The following ZNF616 variants were observed in gnomAD, a reference collection of about 807,000 sequenced individuals.
The protein encoded by ZNF616 is zinc finger protein 616.
A neutral mutation model predicts 7.6 loss-of-function variants in ZNF616; 5 were observed. That is an observed-to-expected ratio of 0.66 (90% CI 0.34 to 1.38). ZNF616 has a LOEUF of 1.38. Among genes scored for constraint, ZNF616 ranks in the 40% most tolerant of loss-of-function variants. The pLI is 0.04. For missense variants in ZNF616, 913 were observed against 948.3 expected (o/e 0.96, Z 0.49); for synonymous variants, 319 against 317.2 (o/e 1.01, Z -0.06).
rs2088817309 is a variant in ZNF616 at position 52,115,943 on chromosome 19, T to G, written c.1221A>C (p.Lys407Asn). The G allele has an allele frequency of 1.2e-6, 2 of 1,614,050 alleles. No individual in the cohort carries two copies. Among genetic ancestry groups the G allele is most frequent in the East Asian group, 4.5e-5 (2 of 44,886 alleles). Reference sequence around the variant, plus strand: ...TGCCACATTCATTGCATTTGCAAGGTTTCTCTACAGTGTGAATTCGTCGAT... The same window carrying G: ...TGCCACATTCATTGCATTTGCAAGGGTTCTCTACAGTGTGAATTCGTCGAT... ...AVHRRIHTVEKPCKCNECGKV... is the reference protein window; with the variant it reads ...AVHRRIHTVENPCKCNECGKV... Residue 407 changes from lysine (K) to asparagine (N), a missense_variant, in exon 4 of 4, where the codon AAA becomes AAC. By Grantham distance (94) the Lys-to-Asn change is moderately conservative. Transcript: ENST00000600228.
At chr19:52,128,465 G>C (rs1056457771) in intron 2 of ZNF616, among the ~76,000 whole-genome samples, 1 of 152,106 alleles carries the variant, frequency 6.6e-6, no homozygotes, top group Non-Finnish European at 1.5e-5. Flanking sequence ...AACTAAAGCT[G>C]GGCACGGTGG....
intron 3 of ZNF616, among the ~76,000 whole-genome samples, chr19:52,119,728 G>A (rs763100918): frequency 2.0e-5 from 3 of 152,118 alleles, no homozygotes; most frequent in South Asian, 2.1e-4. Context: ...ATTTAAATAC[G>A]TGAATTATAC....
At chr19:52,117,127 A>C (rs2088833152) in intron 3 of ZNF616, 103 bp from the exon 4 acceptor site, 1 of 1,004,344 alleles carries the variant, frequency 1.0e-6, no homozygotes, top group African/African-American at 1.7e-5. Context: ...TCTTTATACT[A>C]GACAGGTGTG....
Position 52,115,323 on chromosome 19 carries a change from A to C in ZNF616, c.1841T>G (p.Phe614Cys). The change falls in exon 4 of 4, where the codon TTT (phenylalanine) becomes TGT (cysteine). Residue 614 changes from phenylalanine to cysteine, a missense_variant. Phe to Cys is a radical substitution (Grantham distance 205). Coordinates refer to ENST00000600228, the MANE Select transcript of ZNF616 (RefSeq NM_178523.5). ...TCTATTGAGTGTGGAGCCCTGATTA[A>C]AGGCTTTGCCACATTCATGACATTT... ...PYKCHECGKA[F>C]NQGSTLNRHQ... is the part of the protein sequence containing the mutation. 6.2e-7 allele frequency: 1 copy of C among 1,614,100 alleles called. No individual in the cohort carries two copies. Among genetic ancestry groups the C allele is most frequent in the South Asian group, 1.1e-5 (1 of 91,084 alleles).
At chr19:52,134,385 ATG>A (rs2088989974) in intron 1 of ZNF616, among the ~76,000 whole-genome samples, 1 of 152,220 alleles carries the variant, frequency 6.6e-6, no homozygotes, top group Admixed American at 6.5e-5. Context: ...AAACTGGTAA[ATG>A]TGTTTCTCTA....
At chr19:52,128,474 G>A (rs2088928827) in intron 2 of ZNF616, among the ~76,000 whole-genome samples, 1 of 152,136 alleles carries the variant, frequency 6.6e-6, no homozygotes, top group African/African-American at 2.4e-5. Context: ...TGGGCACGGT[G>A]GCTCATGCCT....
chr19:52,131,911 A>G (rs2088963488), intron 1 of ZNF616, among the ~76,000 whole-genome samples: 1 of 152,150 alleles, frequency 6.6e-6, no homozygotes, highest in Admixed American at 6.6e-5. Flanking sequence ...GCACAGGGAC[A>G]GCCCAGGTAG....
Position 52,115,305 on chromosome 19 carries a change from A to G in ZNF616, c.1859T>C (p.Leu620Pro), listed in dbSNP as rs778398637. The G allele has an allele frequency of 1.2e-6, 2 of 1,614,092 alleles. No homozygotes were observed. The highest frequency in any genetic ancestry group is 1.7e-5 in the Admixed American group (1 of 60,002). The change falls in exon 4 of 4, where the codon CTC (leucine) becomes CCC (proline). Residue 620 changes from leucine (L) to proline (P), a missense_variant. Physicochemically the swap from Leu to Pro is moderately conservative, Grantham distance 98 (BLOSUM62 -3). Transcript: ENST00000600228. Reference protein sequence around the residue: ...CGKAFNQGSTLNRHQRIHTGE... With the variant: ...CGKAFNQGSTPNRHQRIHTGE... Reference sequence around the variant, plus strand: ...GGTATGAATTCTCTGATGTCTATTGAGTGTGGAGCCCTGATTAAAGGCTTT... The same window carrying G: ...GGTATGAATTCTCTGATGTCTATTGGGTGTGGAGCCCTGATTAAAGGCTTT...
chr19:52,127,660 C>T (rs17779542), intron 2 of ZNF616, among the ~76,000 whole-genome samples: 1 of 152,084 alleles, frequency 6.6e-6, no homozygotes, highest in Admixed American at 6.5e-5. Context: ...TGTGGTATAG[C>T]GTCCTAACAG....
intron 3 of ZNF616, 39 bp from the exon 4 acceptor site, chr19:52,117,063 C>T (rs750320084): frequency 2.5e-5 from 37 of 1,494,708 alleles, no homozygotes; most frequent in Middle Eastern, 1.8e-4. Context: ...TTTTAAACTA[C>T]TACTATTGAT....
In ZNF616 at chr19:52,115,791, A is replaced by T. The variant is rs1442950755; in HGVS notation, c.1373T>A (p.Ile458Asn). The part of the protein sequence containing the change: ...KHSHLAVHWR[I>N]HTGEKAYKCN... The stretch of plus-strand genomic sequence containing the variant: ...TTTATAAGCTTTCTCGCCGGTATGA[A>T]TTCTCCAATGCACTGCAAGATGTGA... Residue 458 changes from isoleucine (I) to asparagine (N), a missense_variant, in exon 4 of 4, where the codon ATT becomes AAT. Coordinates refer to ENST00000600228, the MANE Select transcript of ZNF616 (RefSeq NM_178523.5). The T allele has an allele frequency of 7.5e-6, 12 of 1,609,050 alleles. No individual in the cohort carries two copies. The highest frequency in any genetic ancestry group is 1.0e-5 in the Non-Finnish European group (12 of 1,177,858).
At chr19:52,136,033 G>A (rs1222394589) in intron 1 of ZNF616, among the ~76,000 whole-genome samples, 1 of 151,158 alleles carries the variant, frequency 6.6e-6, no homozygotes, top group African/African-American at 2.4e-5. Flanking sequence ...GTGAGGCTGA[G>A]GCATGAGACT....
chr19:52,134,984 C>T (rs116375313), intron 1 of ZNF616, among the ~76,000 whole-genome samples: 3 of 152,298 alleles, frequency 2.0e-5, no homozygotes, highest in African/African-American at 7.2e-5. Flanking sequence ...CTTCCGAGGA[C>T]AGTCCCAGTT....
chr19:52,130,948 T>C (rs1001700860), intron 1 of ZNF616, among the ~76,000 whole-genome samples: 1 of 152,186 alleles, frequency 6.6e-6, no homozygotes, highest in Admixed American at 6.5e-5. Context: ...ACACAGAGGC[T>C]GGAAGCTCAA....
At chr19:52,134,540 G>A (rs1467094199) in intron 1 of ZNF616, among the ~76,000 whole-genome samples, 1 of 152,158 alleles carries the variant, frequency 6.6e-6, no homozygotes, top group African/African-American at 2.4e-5. Flanking sequence ...GAGGTCTTGT[G>A]AGACTGAGCC....
chr19:52,122,053 C>T (rs1429550279), intron 3 of ZNF616, among the ~76,000 whole-genome samples: 1 of 150,242 alleles, frequency 6.7e-6, no homozygotes, highest in Non-Finnish European at 1.5e-5. Flanking sequence ...ACATGATGGA[C>T]TTGAAAGCAG....
At chr19:52,137,878 A>C (rs112557166) in intron 1 of ZNF616, among the ~76,000 whole-genome samples, 122 of 152,356 alleles carry the variant, frequency 8.0e-4, no homozygotes, top group African/African-American at 2.7e-3. Flanking sequence ...AAACTGAATA[A>C]ACTAAAATTT....
At chr19:52,134,090 G>A (rs572604915) in intron 1 of ZNF616, among the ~76,000 whole-genome samples, 4 of 152,150 alleles carry the variant, frequency 2.6e-5, no homozygotes, top group South Asian at 4.1e-4. Flanking sequence ...TGTTTTGTAC[G>A]AGCCTCCCGC....
chr19:52,137,053 G>GTATATATA (rs35226169), intron 1 of ZNF616, among the ~76,000 whole-genome samples: 9,268 of 143,534 alleles, frequency 0.065, 437 homozygotes, highest in South Asian at 0.22. Context: ...TTATGTATGT[G>GTATATATA]TATATATATA....
Sources: allele counts gnomAD v4.1 joint callset (sites outside exome capture counted in the v4.1 genomes callset), GRCh38; gene constraint gnomAD v4.1.1; transcripts MANE v1.5; gene names NCBI Gene and HGNC (gene_info 2026-07-23, HGNC 2026-07-21).